Variants in WDR35 observed in about 807,000 individuals in gnomAD.
WDR35 encodes the protein WD repeat-containing protein 35.
Under a neutral mutation model 158.3 loss-of-function variants are expected in WDR35, and 118 were observed. That is an observed-to-expected ratio of 0.75 (90% CI 0.64 to 0.87). WDR35 has a LOEUF of 0.87. WDR35 is among the 40% of genes least tolerant of loss of function. The probability of loss-of-function intolerance (pLI) is 0.00; values close to 1 mark genes in which losing one functional copy is unlikely to be tolerated. For missense variants in WDR35, 1,263 were observed against 1,405.8 expected, an observed-to-expected ratio of 0.90 and a Z score of 1.62; for synonymous variants, 448 against 476.1, an observed-to-expected ratio of 0.94 and a Z score of 0.77.
chr2:19,982,211 C>G (rs144500302), intron 3 of WDR35, among the ~76,000 whole-genome samples: 15 of 152,288 alleles, frequency 9.8e-5, no homozygotes, highest in Non-Finnish European at 2.1e-4. Flanking sequence ...TTGTGCCCAA[C>G]TGTAGGCTAG....
intron 25 of WDR35, among the ~76,000 whole-genome samples, chr2:19,922,517 A>G (rs892655804): frequency 7.9e-5 from 12 of 151,246 alleles, no homozygotes; most frequent in African/African-American, 2.4e-4. Flanking sequence ...GGAGTCGAAC[A>G]ATGAGAACAC....
In WDR35 at chr2:19,914,533, T is replaced by TAC. The variant is rs566700966; in HGVS notation, c.3122-258_3122-257dup. On this transcript the variant is annotated intron_variant, in intron 25 of 26. Transcript: ENST00000281405. ...GCACATGGCTGTGCCAGCTCAGAAA[T>TAC]ACACACACACACACAAAATTTTGGT... Among the ~76,000 whole-genome samples, 182 of 151,934 alleles carry TAC rather than the reference T, an allele frequency of 1.2e-3. 1 individual carries two copies. Among genetic ancestry groups the TAC allele is most frequent in the African/African-American group, 4.0e-3 (164 of 41,474 alleles).
intron 21 of WDR35, chr2:19,935,045 C>T (rs1670648673): frequency 6.5e-6 from 1 of 153,172 alleles, no homozygotes; most frequent in African/African-American, 2.4e-5. Flanking sequence ...TCTCTTTTAA[C>T]TTGAAATACT....
chr2:19,984,747 T>C (rs1672498904), intron 2 of WDR35, among the ~76,000 whole-genome samples: 2 of 152,242 alleles, frequency 1.3e-5, no homozygotes, highest in Non-Finnish European at 2.9e-5. Context: ...ATCTTTCTCT[T>C]AGAAAAGCGT....
At chr2:19,942,107 T>C (rs1670897803) in intron 16 of WDR35, among the ~76,000 whole-genome samples, 1 of 152,182 alleles carries the variant, frequency 6.6e-6, no homozygotes, top group Non-Finnish European at 1.5e-5. Flanking sequence ...CTTTAAAACA[T>C]AAGAATTTTC....
rs138465899 is a variant in WDR35, at chr2:19,971,261, G to A, written c.883-1656C>T. ...GTCAAATTTAATGTTACTATAGTTTGAATGTCTGTCCCCTCCAAAACTCAC... is the reference window on the plus strand; with the variant it reads ...GTCAAATTTAATGTTACTATAGTTTAAATGTCTGTCCCCTCCAAAACTCAC... On this transcript the variant is annotated intron_variant, in intron 8 of 26. Coordinates refer to ENST00000281405, the MANE Select transcript of WDR35 (RefSeq NM_020779.4). 2.1e-3 allele frequency among the ~76,000 whole-genome samples: 318 copies of A among 152,270 alleles called. 2 individuals carry two copies. Among genetic ancestry groups the A allele is most frequent in the African/African-American group, 7.1e-3 (294 of 41,556 alleles).
chr2:19,963,974 C>T (rs367787425), intron 10 of WDR35, among the ~76,000 whole-genome samples: 27 of 152,200 alleles, frequency 1.8e-4, no homozygotes, highest in African/African-American at 6.0e-4. Flanking sequence ...AAACTCCTAA[C>T]CTCAGGTGAT....
rs1017023544 is a variant in WDR35 at position 19,911,094 on chromosome 2, C to T, written c.*2464G>A. On this transcript the variant is annotated 3_prime_UTR_variant, in exon 27 of 27. Coordinates refer to ENST00000281405, the MANE Select transcript of WDR35 (RefSeq NM_020779.4). ...AACTTAGGATCTACCTGGAATAATT[C>T]GTTGGTGGGAAAATTCTAGGGCTCA... The T allele has an allele frequency of 6.6e-6, 1 of 151,990 alleles. No individual in the cohort carries two copies. The highest frequency in any genetic ancestry group is 1.9e-4 in the East Asian group (1 of 5,184). The allele number at this position is 151,990 out of a possible 1,614,324, so 9.4% of individuals were successfully genotyped here.
chr2:19,984,032 TATATATATAC>T (rs1490507683), intron 2 of WDR35, among the ~76,000 whole-genome samples: 52 of 4,846 alleles, frequency 0.011, no homozygotes, highest in Admixed American at 0.015. Flanking sequence ...TATATATATA[TATATATATAC>T]ATATATACAC....
intron 2 of WDR35, among the ~76,000 whole-genome samples, chr2:19,987,552 G>A (rs185222303): frequency 1.2e-4 from 19 of 152,124 alleles, no homozygotes; most frequent in African/African-American, 4.1e-4. Context: ...GGCCAGGCAC[G>A]GTGGCTCACA....
At position 19,912,520 on chromosome 2, in the gene WDR35, G is replaced by C. The variant is rs145549829; in HGVS notation, c.*1038C>G. 7.2e-5 allele frequency: 11 copies of C among 152,326 alleles called. No homozygotes were observed. Among genetic ancestry groups the C allele is most frequent in the Admixed American group, 2.6e-4 (4 of 15,300 alleles). The allele number at this position is 152,326 out of a possible 1,614,324, so 9.4% of individuals were successfully genotyped here. On this transcript the variant is annotated 3_prime_UTR_variant, in exon 27 of 27. Transcript: ENST00000281405. ...ACAAGACAAAAACATATGAGATTGAGAAAGTGTATTGTAGCTGCAAAAACA... is the reference window on the plus strand; with the variant it reads ...ACAAGACAAAAACATATGAGATTGACAAAGTGTATTGTAGCTGCAAAAACA...
chr2:19,937,786 T>C lies in WDR35; in HGVS notation c.2224A>G (p.Arg742Gly). Residue 742 changes from arginine (R) to glycine (G), a missense_variant, in exon 19 of 27, where the codon AGG becomes GGG. Transcript: ENST00000281405. ...KQAEVVGYFG[R>G]FEEAERTYLE... ...TACGTTCTTTCAGCCTCTTCAAACC[T>C]GCCGAAGTAGCCAACAACTTCAGCC... 1 of 1,614,172 alleles carries C rather than the reference T, an allele frequency of 6.2e-7. No individual in the cohort carries two copies. Among genetic ancestry groups the C allele is most frequent in the Non-Finnish European group, 8.5e-7 (1 of 1,179,998 alleles).
chr2:19,935,200 T>C (rs189379794), intron 21 of WDR35: 100 of 216,442 alleles, frequency 4.6e-4, no homozygotes, highest in African/African-American at 2.0e-3. Flanking sequence ...TCAGCTAACA[T>C]TTAAAAAGTA....
intron 25 of WDR35, among the ~76,000 whole-genome samples, chr2:19,916,772 C>T (rs1399258329): frequency 6.6e-6 from 1 of 152,192 alleles, no homozygotes; most frequent in Non-Finnish European, 1.5e-5. Context: ...GACAAAGCAC[C>T]TGGGGAAAGG....
At chr2:19,935,643 G>A (rs746831309) in intron 20 of WDR35, 40 bp from the exon 21 acceptor site, 67 of 1,600,812 alleles carry the variant, frequency 4.2e-5, no homozygotes, top group Admixed American at 2.2e-4. Context: ...AAACTAATGT[G>A]AATCTCCTGA....
chr2:19,950,572 C>G (rs76727788), intron 13 of WDR35, among the ~76,000 whole-genome samples: 1 of 152,272 alleles, frequency 6.6e-6, no homozygotes, highest in Non-Finnish European at 1.5e-5. Flanking sequence ...GATGATGAAT[C>G]AATTTCCCAA....
intron 5 of WDR35, 109 bp downstream of exon 5, chr2:19,978,642 G>T (rs1232391120): frequency 6.7e-7 from 1 of 1,483,640 alleles, no homozygotes; most frequent in Non-Finnish European, 9.3e-7. Flanking sequence ...TCCCTTTTAT[G>T]TCTATTTTTC....
In WDR35 at chr2:19,980,721, C is replaced by A. The variant is rs138202017; in HGVS notation, c.277G>T (p.Gly93Trp). 3.7e-6 allele frequency: 6 copies of A among 1,613,588 alleles called. No homozygotes were observed. Among genetic ancestry groups the A allele is most frequent in the Non-Finnish European group, 4.2e-6 (5 of 1,179,706 alleles). ...TATAACATCCACACAATGATAAGCC[C>A]GTTTTCATCACTGGTAGTCAACTTC... ...YQKLTTSDEN[G>W]LIIVWMLYKG... Residue 93 changes from glycine (G) to tryptophan (W), a missense_variant, in exon 4 of 27, where the codon GGG becomes TGG. Coordinates refer to ENST00000281405, the MANE Select transcript of WDR35 (RefSeq NM_020779.4).
chr2:19,969,641 CAATT>C, intron 8 of WDR35, 36 bp from the exon 9 acceptor site: 2 of 1,602,352 alleles, frequency 1.2e-6, no homozygotes, highest in Non-Finnish European at 1.7e-6. Context: ...TAAAGTATAA[CAATT>C]AACTGAAATA....
Sources: allele counts gnomAD v4.1 joint callset (sites outside exome capture counted in the v4.1 genomes callset), GRCh38; gene constraint gnomAD v4.1.1; transcripts MANE v1.5; gene names NCBI Gene and HGNC (gene_info 2026-07-23, HGNC 2026-07-21).